The following KCTD14 variants were observed in gnomAD, a reference collection of about 807,000 sequenced individuals.
The protein encoded by KCTD14 is BTB/POZ domain-containing protein KCTD14.
Under a neutral mutation model 5.9 loss-of-function variants are expected in KCTD14, and 7 were observed. The observed-to-expected ratio is 1.19, with a 90% confidence interval of 0.68 to 2.23. The LOEUF (loss-of-function observed/expected upper bound fraction) is 2.23. KCTD14 is among the 30% of genes most tolerant of loss of function. The pLI is 0.00. For synonymous variants in KCTD14, 140 were observed against 133.1 expected (o/e 1.05, Z -0.36); for missense variants, 342 against 332.2 (o/e 1.03, Z -0.23).
At chr11:78,038,642 A>G (rs1278232915) in intron 2 of KCTD14, 1 of 1,535,314 alleles carries the variant, frequency 6.5e-7, no homozygotes, top group East Asian at 2.4e-5. Flanking sequence ...CCTGGACCCA[A>G]GAGAGGGGGT....
At chr11:78,027,535 G>A (rs1396859710), upstream of KCTD14, among the ~76,000 whole-genome samples, 2 of 152,126 alleles carry the variant, frequency 1.3e-5, no homozygotes, top group Admixed American at 1.3e-4. Context: ...GCTAATTTTT[G>A]TATTTTTAGT....
At position 78,023,159 on chromosome 11, in the gene KCTD14, C is replaced by A. The variant is rs1339474402; in HGVS notation, c.90+1G>T. 1 of 1,582,650 alleles carries A rather than the reference C, an allele frequency of 6.3e-7. No individual in the cohort carries two copies. The highest frequency in any genetic ancestry group is 8.6e-7 in the Non-Finnish European group (1 of 1,165,458). On this transcript the variant is annotated splice_donor_variant, in intron 1 of 1. Transcript: ENST00000353172. LOFTEE classifies it high-confidence loss of function. ...GGGGACGCAGCTAGCCTCGCACTTA[C>A]CGTTGGCCGCCTGGGCCGGGGGGAC...
chr11:78,037,676 G>T (rs1857850361), intron 2 of KCTD14, among the ~76,000 whole-genome samples: 1 of 152,042 alleles, frequency 6.6e-6, no homozygotes. Flanking sequence ...AAAATTAGCC[G>T]GGTGTGGTGG....
At chr11:78,024,930 A>G (rs1857409073), upstream of KCTD14, among the ~76,000 whole-genome samples, 1 of 151,622 alleles carries the variant, frequency 6.6e-6, no homozygotes, top group African/African-American at 2.4e-5. Context: ...GGGCAACAAG[A>G]GTGTAATCCC....
upstream of KCTD14, among the ~76,000 whole-genome samples, chr11:78,025,112 GTGTGTGTATATATATATATA>G (rs1231443270): frequency 8.7e-5 from 6 of 68,644 alleles, no homozygotes; most frequent in South Asian, 5.3e-4. Flanking sequence ...GTGTGTGTGT[GTGTGTGTATATATATATATA>G]TATATATATA....
chr11:78,044,978 A>G (rs9943530), intron 1 of KCTD14, among the ~76,000 whole-genome samples: 14,304 of 152,148 alleles, frequency 0.094, 2,252 homozygotes, highest in African/African-American at 0.33. Flanking sequence ...GTTTACTGAA[A>G]TTGTTCACAT....
At position 78,016,862 on chromosome 11, in the gene KCTD14, T is replaced by C. The variant is rs774567451; in HGVS notation, c.499A>G (p.Ser167Gly). 2 of 1,614,248 alleles carry C rather than the reference T, an allele frequency of 1.2e-6. No individual in the cohort carries two copies. The highest frequency in any genetic ancestry group is 1.7e-6 in the Non-Finnish European group (2 of 1,180,028). Residue 167 changes from serine to glycine, a missense_variant, in exon 2 of 2, where the codon AGC becomes GGC. Transcript: ENST00000353172. ...GTTTCCACCAGGCACACAAGCACGC[T>C]GGACTTCCGTGCTGTTATGGCTTCT... The part of the protein sequence containing the change: ...RAEAITARKS[S>G]VLVCLVETEE...
chr11:78,025,108 GTGTGTGTGTGTATATATATA>G (rs1349080000), upstream of KCTD14, among the ~76,000 whole-genome samples: 2 of 67,604 alleles, frequency 3.0e-5, no homozygotes, highest in African/African-American at 1.6e-4. Flanking sequence ...GTGTGTGTGT[GTGTGTGTGTGTATATATATA>G]TATATATATA....
rs764432104 is a variant in KCTD14, at chr11:78,016,769, C to T, written c.592G>A (p.Val198Ile). ...FLQDKKMFKS[V>I]VKFGPWKAVL... ...GCCTTCCAGGGCCCAAACTTGACAA[C>T]AGACTTGAACATCTTCTTATCCTGC... The change falls in exon 2 of 2, where the codon GTT (valine) becomes ATT (isoleucine). Residue 198 changes from valine (V) to isoleucine (I), a missense_variant. Val to Ile is a conservative substitution (Grantham distance 29). Coordinates refer to ENST00000353172, the MANE Select transcript of KCTD14 (RefSeq NM_023930.4). The T allele has an allele frequency of 3.7e-6, 6 of 1,614,174 alleles. No homozygotes were observed. Among genetic ancestry groups the T allele is most frequent in the Non-Finnish European group, 5.1e-6 (6 of 1,180,004 alleles).
chr11:78,045,451 T>C lies in KCTD14; in HGVS notation c.-96+610A>G, dbSNP rs568943067. On this transcript the variant is annotated intron_variant, in intron 1 of 2. Coordinates refer to the KCTD14 transcript ENST00000533144. ...TATCTTCCCTCTGCCTCTGGAATAATGGTTGGCAATCGTTTATGTCTGCAC... is the reference window on the plus strand; with the variant it reads ...TATCTTCCCTCTGCCTCTGGAATAACGGTTGGCAATCGTTTATGTCTGCAC... 3.3e-5 allele frequency among the ~76,000 whole-genome samples: 5 copies of C among 152,314 alleles called. No homozygotes were observed. The East Asian group carries it at 9.6e-4, about 29-fold the overall frequency.
chr11:78,032,284 A>G (rs539622792), intron 2 of KCTD14, among the ~76,000 whole-genome samples: 6 of 152,378 alleles, frequency 3.9e-5, no homozygotes, highest in Non-Finnish European at 8.8e-5. Context: ...GCTCAGTTTC[A>G]GCCTTGACTG....
At chr11:78,028,479 T>C (rs889335697) in intron 2 of KCTD14, among the ~76,000 whole-genome samples, 7 of 151,968 alleles carry the variant, frequency 4.6e-5, no homozygotes, top group African/African-American at 1.7e-4. Context: ...GGCATGCGCC[T>C]ATAGTCCCAG....
intron 1 of KCTD14, among the ~76,000 whole-genome samples, chr11:78,022,314 G>T (rs970936357): frequency 6.6e-6 from 1 of 152,018 alleles, no homozygotes; most frequent in African/African-American, 2.4e-5. Context: ...AATATCCTCT[G>T]ATTTACAGGA....
upstream of KCTD14, among the ~76,000 whole-genome samples, chr11:78,024,445 C>CACACAT (rs1491358785): frequency 2.8e-5 from 4 of 140,508 alleles, no homozygotes; most frequent in East Asian, 8.3e-4. Context: ...CACACACACA[C>CACACAT]ATATATATAT....
rs575801367 is a variant in KCTD14 at position 78,032,315 on chromosome 11, G to A, written c.-1+6349C>T. Among the ~76,000 whole-genome samples, 6 of 152,354 alleles carry A rather than the reference G, an allele frequency of 3.9e-5. No homozygotes were observed. In the South Asian group the frequency reaches 8.3e-4, roughly 21 times the overall value. On this transcript the variant is annotated intron_variant, in intron 2 of 2. Coordinates refer to the KCTD14 transcript ENST00000533144. ...GACTGGAAGAACAGAGAGCCTGGCT[G>A]GAAGCCAGGCATTTCCCCAGTTCAC...
rs1857168089 is a variant in KCTD14, at chr11:78,016,540, C to A, written c.*53G>T. 2 of 1,503,434 alleles carry A rather than the reference C, an allele frequency of 1.3e-6. No homozygotes were observed. Among genetic ancestry groups the A allele is most frequent in the Admixed American group, 2.0e-5 (1 of 49,586 alleles). The allele number at this position is 1,503,434 out of a possible 1,614,324, so 93.1% of individuals were successfully genotyped here. A position where few individuals can be genotyped will look rare whatever the true frequency, so the allele number is the denominator to read the frequency against. ...TAAAAGAAAATGGCTTTGATGGCAA[C>A]TTTTAATTTCATAAGCCACGCCAGA... is the stretch of plus-strand genomic sequence containing the variant. On this transcript the variant is annotated 3_prime_UTR_variant, in exon 2 of 2. Coordinates refer to ENST00000353172, the MANE Select transcript of KCTD14 (RefSeq NM_023930.4).
chr11:78,016,772 A>G lies in KCTD14; in HGVS notation c.589T>C (p.Ser197Pro). The change falls in exon 2 of 2, where the codon TCT becomes CCT. Residue 197 changes from serine to proline, a missense_variant. Coordinates refer to ENST00000353172, the MANE Select transcript of KCTD14 (RefSeq NM_023930.4). ...TTCCAGGGCCCAAACTTGACAACAG[A>G]CTTGAACATCTTCTTATCCTGCAGA... The part of the protein sequence containing the change: ...CFLQDKKMFK[S>P]VVKFGPWKAV... 1 of 1,614,146 alleles carries G rather than the reference A, an allele frequency of 6.2e-7. No individual in the cohort carries two copies. The highest frequency in any genetic ancestry group is 8.5e-7 in the Non-Finnish European group (1 of 1,180,002).
At chr11:78,024,155 C>A (rs1051737331), upstream of KCTD14, among the ~76,000 whole-genome samples, 3 of 151,904 alleles carry the variant, frequency 2.0e-5, no homozygotes, top group African/African-American at 7.3e-5. Context: ...GAGGCCAAAG[C>A]GGACAGATCA....
intron 1 of KCTD14, among the ~76,000 whole-genome samples, chr11:78,018,614 G>A (rs1003108213): frequency 1.3e-5 from 2 of 151,950 alleles, no homozygotes; most frequent in Admixed American, 1.3e-4. Flanking sequence ...GGCTGAGGCA[G>A]GAGAATCGCT....
Sources: allele counts gnomAD v4.1 joint callset (sites outside exome capture counted in the v4.1 genomes callset), GRCh38; gene constraint gnomAD v4.1.1; transcripts MANE v1.5; gene names NCBI Gene and HGNC (gene_info 2026-07-23, HGNC 2026-07-21).